TEX9: variants seen among roughly 807,000 people sequenced by gnomAD.
TEX9 encodes testis expressed 9, also known as testis-expressed protein 9.
Under a neutral mutation model 59.6 loss-of-function variants are expected in TEX9, and 74 were observed. The ratio of observed to expected loss-of-function variants is 1.24; its 90% CI spans 1.03 to 1.51. The LOEUF is 1.51. TEX9 is among the 40% of genes most tolerant of loss of function. TEX9 has a pLI of 0.00. For missense variants in TEX9, 522 were observed against 447.8 expected (o/e 1.17, Z -1.49); for synonymous variants, 186 against 152.2 (o/e 1.22, Z -1.64).
At chr15:56,262,682 C>G (rs2044293650) in intron 1 of TEX9, among the ~76,000 whole-genome samples, 1 of 152,184 alleles carries the variant, frequency 6.6e-6, no homozygotes, top group Non-Finnish European at 1.5e-5. Flanking sequence ...TAATTATCCT[C>G]TTGCATCTAA....
chr15:56,263,302 C>T (rs1012619849), intron 1 of TEX9, among the ~76,000 whole-genome samples: 6 of 152,126 alleles, frequency 3.9e-5, no homozygotes, highest in Non-Finnish European at 8.8e-5. Context: ...GGATTACAGG[C>T]GTGAGCCACC....
downstream of TEX9, chr15:56,446,768 A>T: frequency 8.6e-7 from 1 of 1,164,286 alleles, no homozygotes; most frequent in Non-Finnish European, 1.2e-6. Context: ...CAATATGACA[A>T]TTTTTTAAGA....
At chr15:56,284,649 C>T (rs1461113697) in intron 1 of TEX9, among the ~76,000 whole-genome samples, 1 of 152,166 alleles carries the variant, frequency 6.6e-6, no homozygotes, top group Non-Finnish European at 1.5e-5. Context: ...CCAAACATGC[C>T]TCTTTACCAG....
At position 56,315,520 on chromosome 15, in the gene TEX9, G is replaced by C. The variant is rs185375671; in HGVS notation, c.-106-57921G>C. 2.7e-5 allele frequency among the ~76,000 whole-genome samples: 4 copies of C among 150,702 alleles called. No individual in the cohort carries two copies. The South Asian group carries it at 8.4e-4, about 32-fold the overall frequency. ...TTGTAGGGTTTCTGCCGAGAGATCC[G>C]CTGTTAGTCTGATGGCCTTCCCTTT... On this transcript the variant is annotated intron_variant, in intron 1 of 5. Coordinates refer to the TEX9 transcript ENST00000560827.
chr15:56,327,805 A>T (rs2046054689), intron 1 of TEX9, among the ~76,000 whole-genome samples: 1 of 152,204 alleles, frequency 6.6e-6, no homozygotes, highest in Non-Finnish European at 1.5e-5. Context: ...CCCTAGCCAG[A>T]GGGCAAACAC....
At chr15:56,428,180 G>T in intron 11 of TEX9, among the ~76,000 whole-genome samples, 187 bp from the exon 12 acceptor site, 1 of 152,020 alleles carries the variant, frequency 6.6e-6, no homozygotes, top group East Asian at 1.9e-4. Context: ...TTAAAAGTAA[G>T]TTGGTTCAGT....
At chr15:56,431,958 A>C (rs561386762) in intron 12 of TEX9, among the ~76,000 whole-genome samples, 2 of 152,114 alleles carry the variant, frequency 1.3e-5, no homozygotes. Context: ...ATTTCTTAGG[A>C]AAGTGCTCAC....
intron 1 of TEX9, among the ~76,000 whole-genome samples, chr15:56,249,549 C>T (rs907752314): frequency 2.6e-5 from 4 of 151,540 alleles, no homozygotes; most frequent in Non-Finnish European, 5.9e-5. Flanking sequence ...ACCAGCCTGG[C>T]GAAGATGGTG....
chr15:56,412,426 A>C (rs754681371), exon 10 of TEX9: 1 of 1,608,798 alleles, frequency 6.2e-7, no homozygotes, highest in Non-Finnish European at 8.5e-7. Flanking sequence ...AAATTAAGGC[A>C]AAATAACAAG....
chr15:56,335,508 G>A (rs1458515252), intron 1 of TEX9, among the ~76,000 whole-genome samples: 1 of 152,084 alleles, frequency 6.6e-6, no homozygotes, highest in Non-Finnish European at 1.5e-5. Flanking sequence ...GCTGGGAAGG[G>A]TATGGGGATG....
At chr15:56,344,366 G>A (rs1369572863) in intron 1 of TEX9, among the ~76,000 whole-genome samples, 2 of 152,098 alleles carry the variant, frequency 1.3e-5, no homozygotes, top group Non-Finnish European at 2.9e-5. Flanking sequence ...TAAATGCTAC[G>A]ACAAAGGTGA....
chr15:56,414,864 A>G (rs1006989070), intron 10 of TEX9, among the ~76,000 whole-genome samples: 1 of 151,896 alleles, frequency 6.6e-6, no homozygotes, highest in African/African-American at 2.4e-5. Context: ...CACCAAGTGT[A>G]TAAGTGTTCC....
intron 1 of TEX9, among the ~76,000 whole-genome samples, chr15:56,343,703 A>G (rs2046414803): frequency 2.6e-5 from 4 of 152,150 alleles, no homozygotes; most frequent in African/African-American, 4.8e-5. Context: ...CAACCCACAG[A>G]GTCAGAGAAA....
intron 12 of TEX9, among the ~76,000 whole-genome samples, chr15:56,441,831 G>A (rs61288444): frequency 0.28 from 42,877 of 151,742 alleles, 6,807 homozygotes; most frequent in Middle Eastern, 0.46. Flanking sequence ...TGGCTAACAC[G>A]GTGAAACCCC....
intron 10 of TEX9, among the ~76,000 whole-genome samples, chr15:56,414,318 G>A (rs1213649917): frequency 6.6e-6 from 1 of 151,594 alleles, no homozygotes; most frequent in East Asian, 1.9e-4. Flanking sequence ...ATGGGGGTTT[G>A]TTGCACATAT....
At chr15:56,322,847 A>AAG (rs35838115) in intron 1 of TEX9, among the ~76,000 whole-genome samples, 74,964 of 151,796 alleles carry the variant, frequency 0.49, 19,960 homozygotes, top group Non-Finnish European at 0.6. Flanking sequence ...TACAGTAAAA[A>AAG]AATATCACAT....
intron 12 of TEX9, chr15:56,431,256 G>C (rs1231812372): frequency 8.4e-7 from 1 of 1,194,188 alleles, no homozygotes; most frequent in Non-Finnish European, 1.2e-6. Context: ...GGATCCCATT[G>C]CTGCTTCATA....
chr15:56,430,801 T>A (rs1484895027), intron 12 of TEX9, among the ~76,000 whole-genome samples: 3 of 152,214 alleles, frequency 2.0e-5, no homozygotes. Flanking sequence ...ATTCTCATCT[T>A]TGGCATGTAA....
At chr15:56,354,142 A>G (rs1406581379) in intron 1 of TEX9, among the ~76,000 whole-genome samples, 1 of 152,206 alleles carries the variant, frequency 6.6e-6, no homozygotes, top group African/African-American at 2.4e-5. Flanking sequence ...TATGTTGTAT[A>G]TATGTATTCT....
Sources: gnomAD v4.1 joint callset for allele counts (sites outside exome capture counted in the v4.1 genomes callset) on GRCh38, gnomAD v4.1.1 for gene constraint, MANE v1.5 for transcripts, NCBI Gene and HGNC (gene_info 2026-07-23, HGNC 2026-07-21) for gene names.